MYO5B: variants seen among roughly 807,000 people sequenced by gnomAD.
The protein encoded by MYO5B is unconventional myosin-Vb.
Under a neutral mutation model 229.3 loss-of-function variants are expected in MYO5B, and 143 were observed. The observed-to-expected ratio is 0.62, with a 90% CI of 0.54 to 0.72. The LOEUF is 0.72. Ranked by LOEUF, MYO5B falls within the 30% of genes least tolerant of loss-of-function variation. The pLI, the probability that MYO5B is intolerant of heterozygous loss-of-function variation, is 0.00. For missense variants in MYO5B, 2,321 were observed against 2,331.0 expected, an observed-to-expected ratio of 1.00 and a Z score of 0.09; for synonymous variants, 918 against 885.2, an observed-to-expected ratio of 1.04 and a Z score of -0.66.
intron 1 of MYO5B, among the ~76,000 whole-genome samples, chr18:50,102,794 C>G (rs1488020562): frequency 6.6e-5 from 10 of 152,092 alleles, no homozygotes; most frequent in Non-Finnish European, 1.3e-4. Flanking sequence ...CCCAAAACCC[C>G]CCAGGCCAAA....
chr18:50,037,129 A>C (rs746435971), intron 3 of MYO5B, 135 bp from the exon 4 acceptor site: 60 of 903,972 alleles, frequency 6.6e-5, no homozygotes, highest in Non-Finnish European at 1.0e-4. Flanking sequence ...TTAACCAATC[A>C]ATCAGCTCAA....
chr18:49,962,897 CCAGAG>C lies in MYO5B; in HGVS notation c.1404+47_1404+51del. The C allele has an allele frequency of 3.4e-6, 5 of 1,476,946 alleles. No homozygotes were observed. The Admixed American group carries it at 8.4e-5, about 25-fold the overall frequency. The allele number at this position is 1,476,946 out of a possible 1,614,324, so 91.5% of individuals were successfully genotyped here. A position where few individuals can be genotyped will look rare whatever the true frequency, so the allele number is the denominator to read the frequency against. On this transcript the variant is annotated intron_variant, in intron 11 of 39. Coordinates refer to ENST00000285039, the MANE Select transcript of MYO5B (RefSeq NM_001080467.3). The stretch of plus-strand genomic sequence containing the variant: ...AAGAGAAGTGGCCTGTCTGTCCCTC[CCAGAG>C]GAGTCCCCCCAATCCTGGTACCCCC...
chr18:49,899,695 A>G (rs2024818754), intron 21 of MYO5B, among the ~76,000 whole-genome samples: 1 of 152,166 alleles, frequency 6.6e-6, no homozygotes, highest in African/African-American at 2.4e-5. Flanking sequence ...AATAATATTA[A>G]TGTTTATCTC....
rs1172285303 is a variant in MYO5B, at chr18:50,001,277, A to G, written c.590T>C (p.Leu197Pro). The change falls in exon 5 of 40, where the codon CTG (leucine) becomes CCG (proline). Residue 197 changes from leucine (L) to proline (P), a missense_variant. Physicochemically the swap from Leu to Pro is moderately conservative, Grantham distance 98 (BLOSUM62 -3). This residue lies in a region of MYO5B where 2,113 missense variants were observed against 2,044.7 expected (regional missense o/e 1.03). Coordinates refer to ENST00000285039, the MANE Select transcript of MYO5B (RefSeq NM_001080467.3). ...ASETNIEEKV[L>P]ASSPIMEAIG... ...TACCTCCATGATGGGACTGGATGCC[A>G]GCACCTTCTCTTCGATGTTGGTTTC... 3 of 1,614,236 alleles carry G rather than the reference A, an allele frequency of 1.9e-6. No individual in the cohort carries two copies. Among genetic ancestry groups the G allele is most frequent in the Admixed American group, 3.3e-5 (2 of 60,032 alleles).
intron 1 of MYO5B, among the ~76,000 whole-genome samples, chr18:50,129,604 C>T (rs528924197): frequency 6.6e-6 from 1 of 152,288 alleles, no homozygotes; most frequent in East Asian, 1.9e-4. Flanking sequence ...TTCTTTAATT[C>T]CCACAGCCCT....
At chr18:50,179,549 A>G (rs2144345649) in intron 1 of MYO5B, among the ~76,000 whole-genome samples, 1 of 152,292 alleles carries the variant, frequency 6.6e-6, no homozygotes, top group Middle Eastern at 3.4e-3. Flanking sequence ...GCCAATCTAA[A>G]CTGGAACCAG....
intron 1 of MYO5B, among the ~76,000 whole-genome samples, chr18:50,142,881 G>A (rs1025437908): frequency 6.6e-5 from 10 of 152,204 alleles, no homozygotes; most frequent in Non-Finnish European, 1.5e-4. Flanking sequence ...CCAGTCATAA[G>A]AAATCACAGT....
intron 1 of MYO5B, among the ~76,000 whole-genome samples, chr18:50,182,312 A>G (rs1477471441): frequency 3.3e-5 from 5 of 152,180 alleles, no homozygotes; most frequent in African/African-American, 1.2e-4. Flanking sequence ...ATATCCATAC[A>G]TGCCCCCACC....
At chr18:49,898,744 T>C (rs1787292) in intron 21 of MYO5B, among the ~76,000 whole-genome samples, 88,464 of 151,954 alleles carry the variant, frequency 0.58, 25,932 homozygotes, top group Middle Eastern at 0.67. Flanking sequence ...CCTGTTACTG[T>C]TTGCATAGAA....
chr18:50,133,605 T>G (rs7236961), intron 1 of MYO5B, among the ~76,000 whole-genome samples: 14,770 of 152,202 alleles, frequency 0.097, 845 homozygotes, highest in East Asian at 0.19. Flanking sequence ...TCTGTCTGTC[T>G]GTCCCCCCAC....
rs2023828866 is a variant in MYO5B at position 49,825,345 on chromosome 18, T to G, written c.*1126A>C. ...TGGGAGAGATATTTACAATTTTTTG[T>G]GTGCTAAATTTGAAAAACGTTGAAA... is the stretch of plus-strand genomic sequence containing the variant. On this transcript the variant is annotated 3_prime_UTR_variant, in exon 40 of 40. Coordinates refer to ENST00000285039, the MANE Select transcript of MYO5B (RefSeq NM_001080467.3). The G allele has an allele frequency of 6.6e-6, 1 of 152,114 alleles. No homozygotes were observed. Among genetic ancestry groups the G allele is most frequent in the Non-Finnish European group, 1.5e-5 (1 of 68,012 alleles). The allele number at this position is 152,114 out of a possible 1,614,324, so 9.4% of individuals were successfully genotyped here.
At chr18:49,870,756 C>CA (rs1264303493) in intron 27 of MYO5B, among the ~76,000 whole-genome samples, 7 of 151,782 alleles carry the variant, frequency 4.6e-5, no homozygotes, top group African/African-American at 1.7e-4. Flanking sequence ...TAGCTACTAT[C>CA]AAAAAAATAA....
chr18:50,158,867 G>A (rs1009478786), intron 1 of MYO5B, among the ~76,000 whole-genome samples: 3 of 152,182 alleles, frequency 2.0e-5, no homozygotes, highest in Non-Finnish European at 2.9e-5. Context: ...GATGGGGTAA[G>A]AATGATAATG....
Position 49,826,237 on chromosome 18 carries a change from C to T in MYO5B, c.*234G>A. On this transcript the variant is annotated 3_prime_UTR_variant, in exon 40 of 40. Coordinates refer to ENST00000285039, the MANE Select transcript of MYO5B (RefSeq NM_001080467.3). ...CTATAAATTATGTATATGTGTTGGA[C>T]TGAAATCAAACTTAAAATCTTCCAT... 1 of 526,592 alleles carries T rather than the reference C, an allele frequency of 1.9e-6. No individual in the cohort carries two copies. Among genetic ancestry groups the T allele is most frequent in the Non-Finnish European group, 3.4e-6 (1 of 293,392 alleles). The allele number at this position is 526,592 out of a possible 1,614,324, so 32.6% of individuals were successfully genotyped here.
At chr18:49,864,425 G>A in intron 27 of MYO5B, 45 bp from the exon 28 acceptor site, 2 of 1,606,774 alleles carry the variant, frequency 1.2e-6, no homozygotes, top group South Asian at 1.1e-5. Flanking sequence ...CCTGCCCTAG[G>A]GCTCTCTCCC....
intron 4 of MYO5B, among the ~76,000 whole-genome samples, chr18:50,010,926 C>G (rs2026154369): frequency 6.6e-6 from 1 of 152,232 alleles, no homozygotes; most frequent in South Asian, 2.1e-4. Flanking sequence ...GTGAGTCCCT[C>G]ATTCCAAAAC....
intron 1 of MYO5B, among the ~76,000 whole-genome samples, chr18:50,125,917 A>T (rs1028808766): frequency 4.6e-5 from 7 of 152,232 alleles, no homozygotes; most frequent in Non-Finnish European, 1.0e-4. Flanking sequence ...ACAAGACTGT[A>T]TGACTCCACT....
rs545356854 is a variant in MYO5B at position 50,145,412 on chromosome 18, G to A, written c.27+49355C>T. ...TGAGGCAGGAGAATGGCGTGAACCCGGGAGGCAGAGCTTGCAGTGAGCCGA... is the reference window on the plus strand; with the variant it reads ...TGAGGCAGGAGAATGGCGTGAACCCAGGAGGCAGAGCTTGCAGTGAGCCGA... On this transcript the variant is annotated intron_variant, in intron 1 of 39. Transcript: ENST00000285039. 1.2e-4 allele frequency among the ~76,000 whole-genome samples: 17 copies of A among 146,500 alleles called. No homozygotes were observed. In the South Asian group the frequency reaches 2.4e-3, roughly 21 times the overall value.
chr18:49,836,196 G>C (rs900368455), intron 38 of MYO5B, among the ~76,000 whole-genome samples: 2 of 152,044 alleles, frequency 1.3e-5, no homozygotes, highest in Non-Finnish European at 2.9e-5. Flanking sequence ...CATTTTTTAG[G>C]GAAAAGGAAA....
Sources: allele counts gnomAD v4.1 joint callset (sites outside exome capture counted in the v4.1 genomes callset), GRCh38; gene constraint gnomAD v4.1.1; regional missense constraint gnomAD v4.1.1; transcripts MANE v1.5; gene names NCBI Gene and HGNC (gene_info 2026-07-23, HGNC 2026-07-21).